The following RBFOX1 variants were observed in gnomAD, a reference collection of about 807,000 sequenced individuals.
RBFOX1 encodes the protein RNA binding fox-1 homolog 1.
A neutral mutation model predicts 57.7 loss-of-function variants in RBFOX1; 8 were observed. That is an observed-to-expected ratio of 0.14 (90% CI 0.08 to 0.25). RBFOX1 has a LOEUF of 0.25. Ranked by LOEUF, RBFOX1 falls within the 10% of genes least tolerant of loss-of-function variation. RBFOX1 has a pLI of 1.00. For missense variants in RBFOX1, 611 were observed against 548.5 expected (o/e 1.11, Z -1.14); for synonymous variants, 326 against 222.4 (o/e 1.47, Z -4.15).
intron 1 of RBFOX1, among the ~76,000 whole-genome samples, chr16:6,264,518 T>C (rs1319557070): frequency 6.6e-6 from 1 of 152,180 alleles, no homozygotes. Context: ...TCGGTTCTCA[T>C]TGCTTACCAT....
At chr16:5,493,793 G>A (rs562635817) in intron 2 of RBFOX1, among the ~76,000 whole-genome samples, 1 of 152,316 alleles carries the variant, frequency 6.6e-6, no homozygotes, top group East Asian at 1.9e-4. Flanking sequence ...AACGCACAAG[G>A]TAACCACACT....
chr16:6,174,191 C>G (rs997916268), intron 1 of RBFOX1, among the ~76,000 whole-genome samples: 9 of 152,168 alleles, frequency 5.9e-5, no homozygotes, highest in African/African-American at 2.2e-4. Context: ...CTCGAATTTG[C>G]TGGTTTTTTG....
At chr16:5,637,573 T>A (rs8060104) in intron 3 of RBFOX1, among the ~76,000 whole-genome samples, 8,128 of 152,262 alleles carry the variant, frequency 0.053, 712 homozygotes, top group African/African-American at 0.18. Context: ...CTAGTTTTAA[T>A]TGCTGTTCAT....
intron 2 of RBFOX1, among the ~76,000 whole-genome samples, chr16:6,639,726 C>T (rs1251901423): frequency 6.6e-6 from 1 of 151,828 alleles, no homozygotes; most frequent in Non-Finnish European, 1.5e-5. Flanking sequence ...AATACAAAAC[C>T]AAATTAGTTG....
intron 4 of RBFOX1, among the ~76,000 whole-genome samples, chr16:7,085,386 T>C (rs2059837747): frequency 6.6e-6 from 1 of 152,214 alleles, no homozygotes; most frequent in Non-Finnish European, 1.5e-5. Context: ...TGCAAGTTAT[T>C]TGAAATCTCT....
chr16:5,986,656 G>C (rs567092470), intron 4 of RBFOX1, among the ~76,000 whole-genome samples: 4 of 152,230 alleles, frequency 2.6e-5, no homozygotes, highest in East Asian at 3.9e-4. Context: ...TTTAGGATGG[G>C]CTTTTTTTCA....
chr16:6,656,804 G>T (rs1015423813), intron 3 of RBFOX1, among the ~76,000 whole-genome samples: 3 of 151,920 alleles, frequency 2.0e-5, no homozygotes, highest in Non-Finnish European at 2.9e-5. Context: ...AAAAAATAAT[G>T]CCCAGTTAAA....
At chr16:5,387,699 A>G (rs915434434) in intron 1 of RBFOX1, among the ~76,000 whole-genome samples, 4 of 152,232 alleles carry the variant, frequency 2.6e-5, no homozygotes, top group Admixed American at 1.3e-4. Context: ...TTTCCCCGAA[A>G]TAATGTTTCC....
At position 7,212,411 on chromosome 16, in the gene RBFOX1, C is replaced by G. The variant is rs1215218529; in HGVS notation, c.27+160313C>G. ...GGAACACTTGTGTTATTAGCAACCC[C>G]TCTTTCCCACTATTTTAAATGAATA... On this transcript the variant is annotated intron_variant, in intron 4 of 15. Transcript: ENST00000550418. 3.9e-5 allele frequency among the ~76,000 whole-genome samples: 6 copies of G among 152,266 alleles called. No individual in the cohort carries two copies. The East Asian group carries it at 5.8e-4, about 15-fold the overall frequency.
At chr16:5,803,902 A>G (rs1021707697) in intron 3 of RBFOX1, among the ~76,000 whole-genome samples, 24 of 152,220 alleles carry the variant, frequency 1.6e-4, no homozygotes, top group African/African-American at 5.5e-4. Context: ...ACACCTTTGC[A>G]TATACTGCTC....
intron 1 of RBFOX1, among the ~76,000 whole-genome samples, chr16:5,389,665 C>A (rs2066350893): frequency 1.3e-5 from 2 of 151,684 alleles, no homozygotes; most frequent in African/African-American, 4.8e-5. Context: ...TGCTTCTCTT[C>A]CTATTTTATT....
chr16:5,674,066 G>T (rs150754420), intron 3 of RBFOX1, among the ~76,000 whole-genome samples: 23 of 152,302 alleles, frequency 1.5e-4, no homozygotes, highest in Admixed American at 2.6e-4. Flanking sequence ...ATTCTTGGTT[G>T]TCCATCCTCT....
intron 3 of RBFOX1, among the ~76,000 whole-genome samples, chr16:6,787,570 G>A (rs375612849): frequency 3.7e-4 from 57 of 152,258 alleles, no homozygotes; most frequent in African/African-American, 9.9e-4. Context: ...AGATTTAGCC[G>A]TAAATCACCT....
At chr16:6,002,467 T>A (rs981278387) in intron 4 of RBFOX1, among the ~76,000 whole-genome samples, 2 of 152,220 alleles carry the variant, frequency 1.3e-5, no homozygotes, top group Admixed American at 6.5e-5. Context: ...CATTTTGAAC[T>A]GATTTTGGTG....
At chr16:5,983,396 A>G (rs374368389) in intron 4 of RBFOX1, among the ~76,000 whole-genome samples, 1 of 152,222 alleles carries the variant, frequency 6.6e-6, no homozygotes, top group African/African-American at 2.4e-5. Flanking sequence ...TTTGTCACTG[A>G]ATAGTGCTTT....
chr16:7,052,159 T>G, intron 4 of RBFOX1, 61 bp downstream of exon 4: 1 of 1,568,694 alleles, frequency 6.4e-7, no homozygotes, highest in African/African-American at 1.4e-5. Flanking sequence ...AAGCAAAAAT[T>G]TCCTTGTCTC....
chr16:6,204,954 G>T (rs1357063520), intron 1 of RBFOX1, among the ~76,000 whole-genome samples: 1 of 152,146 alleles, frequency 6.6e-6, no homozygotes, highest in Admixed American at 6.5e-5. Context: ...AGCTAACTCT[G>T]CAGTAGCACA....
intron 3 of RBFOX1, among the ~76,000 whole-genome samples, chr16:6,746,079 C>T (rs2073545846): frequency 6.6e-6 from 1 of 152,082 alleles, no homozygotes; most frequent in South Asian, 2.1e-4. Context: ...ATATGCCAGT[C>T]CTATACCCTT....
chr16:6,925,656 G>T (rs1391981906), intron 3 of RBFOX1, among the ~76,000 whole-genome samples: 1 of 151,954 alleles, frequency 6.6e-6, no homozygotes, highest in Non-Finnish European at 1.5e-5. Flanking sequence ...AGGGCTTAGG[G>T]TAGGGCCTGG....
Sources: gnomAD v4.1 joint callset for allele counts (sites outside exome capture counted in the v4.1 genomes callset) on GRCh38, gnomAD v4.1.1 for gene constraint, MANE v1.5 for transcripts, NCBI Gene and HGNC (gene_info 2026-07-23, HGNC 2026-07-21) for gene names.